CDH12: variants seen among roughly 807,000 people sequenced by gnomAD.
The protein encoded by CDH12 is cadherin-12.
CDH12 carries 41 observed loss-of-function variants against 74.1 expected under a neutral mutation model. The ratio of observed to expected loss-of-function variants is 0.55; its 90% confidence interval spans 0.43 to 0.72. The LOEUF is 0.72. CDH12 is among the 30% of genes least tolerant of loss of function. The probability of loss-of-function intolerance (pLI) is 0.00; values close to 1 mark genes in which losing one functional copy is unlikely to be tolerated. For synonymous variants in CDH12, 399 were observed against 355.0 expected, an observed-to-expected ratio of 1.12 and a Z score of -1.39; for missense variants, 945 against 977.2, an observed-to-expected ratio of 0.97 and a Z score of 0.44.
intron 10 of CDH12, among the ~76,000 whole-genome samples, chr5:21,799,769 A>C (rs1747008369): frequency 6.6e-6 from 1 of 152,158 alleles, no homozygotes; most frequent in African/African-American, 2.4e-5. Context: ...CTGCTTCCAT[A>C]ATGATTTTAA....
chr5:21,967,384 ATC>A (rs1756633349), intron 6 of CDH12, among the ~76,000 whole-genome samples: 1 of 152,212 alleles, frequency 6.6e-6, no homozygotes, highest in African/African-American at 2.4e-5. Context: ...GTTCATAGCT[ATC>A]TTGCCAGTAG....
In CDH12 at chr5:22,212,996, T is replaced by G. The variant is rs925114842; in HGVS notation, c.-332-353A>C. Among the ~76,000 whole-genome samples the G allele has an allele frequency of 1.2e-4, 18 of 152,196 alleles. 1 individual carries two copies. Among genetic ancestry groups the G allele is most frequent in the Admixed American group, 9.8e-4 (15 of 15,284 alleles). The stretch of plus-strand genomic sequence containing the variant: ...AGCCATCGCAGGACTTAAACAAATG[T>G]GCTTTCTCCTGCTGTTTTTCAAGGT... On this transcript the variant is annotated intron_variant, in intron 3 of 14. Coordinates refer to ENST00000382254, the MANE Select transcript of CDH12 (RefSeq NM_004061.5).
At chr5:22,847,815 C>T (rs1167470781) in intron 1 of CDH12, among the ~76,000 whole-genome samples, 1 of 152,062 alleles carries the variant, frequency 6.6e-6, no homozygotes, top group Admixed American at 6.6e-5. Context: ...TTCACTAAAA[C>T]TTTAATCCAT....
At chr5:22,808,352 T>C (rs1419084775) in intron 1 of CDH12, among the ~76,000 whole-genome samples, 1 of 152,138 alleles carries the variant, frequency 6.6e-6, no homozygotes, top group African/African-American at 2.4e-5. Context: ...TAAACTCAAA[T>C]CATGCTTGAT....
intron 6 of CDH12, among the ~76,000 whole-genome samples, chr5:21,950,033 G>T (rs1353147076): frequency 6.6e-6 from 1 of 152,116 alleles, no homozygotes; most frequent in Non-Finnish European, 1.5e-5. Flanking sequence ...TTAATTTATA[G>T]TAAGTGCCCT....
chr5:22,782,344 A>T (rs1475572943), intron 1 of CDH12, among the ~76,000 whole-genome samples: 2 of 152,130 alleles, frequency 1.3e-5, no homozygotes, highest in Non-Finnish European at 2.9e-5. Context: ...TGACTGGATC[A>T]TGGGGGTGGT....
chr5:21,938,717 A>AATATAC (rs1554046001), intron 6 of CDH12, among the ~76,000 whole-genome samples: 4 of 106,676 alleles, frequency 3.7e-5, no homozygotes, highest in Admixed American at 9.5e-5. Flanking sequence ...TTATATATAT[A>AATATAC]ATATACATAT....
chr5:22,815,057 G>C (rs1007512420), intron 1 of CDH12, among the ~76,000 whole-genome samples: 1 of 152,054 alleles, frequency 6.6e-6, no homozygotes, highest in African/African-American at 2.4e-5. Flanking sequence ...TAGAAGAGAG[G>C]GTTCAACTTT....
intron 1 of CDH12, among the ~76,000 whole-genome samples, chr5:22,706,545 G>T (rs1375393457): frequency 2.6e-5 from 4 of 150,988 alleles, no homozygotes; most frequent in East Asian, 1.9e-4. Flanking sequence ...TTAAATGTTG[G>T]CTTTTCTCTT....
intron 4 of CDH12, among the ~76,000 whole-genome samples, chr5:22,207,652 T>A (rs1308501933): frequency 2.0e-5 from 3 of 152,198 alleles, no homozygotes; most frequent in Non-Finnish European, 2.9e-5. Flanking sequence ...TTAGTCCTCA[T>A]GACAAATAGA....
At chr5:21,940,886 T>C (rs1485356916) in intron 6 of CDH12, among the ~76,000 whole-genome samples, 1 of 151,908 alleles carries the variant, frequency 6.6e-6, no homozygotes, top group African/African-American at 2.4e-5. Flanking sequence ...TCCTTTACAA[T>C]TACTTTGGAA....
intron 1 of CDH12, among the ~76,000 whole-genome samples, chr5:22,665,120 G>A (rs185225074): frequency 6.6e-6 from 1 of 152,192 alleles, no homozygotes; most frequent in Non-Finnish European, 1.5e-5. Flanking sequence ...GTGCTCAGCA[G>A]AACAGTGTTT....
intron 3 of CDH12, among the ~76,000 whole-genome samples, chr5:22,370,158 T>C (rs534215964): frequency 1.6e-4 from 25 of 152,286 alleles, no homozygotes; most frequent in African/African-American, 5.5e-4. Context: ...TGTGCTTATA[T>C]ATTGCACATA....
At chr5:22,574,410 T>A (rs926051358) in intron 1 of CDH12, among the ~76,000 whole-genome samples, 1 of 152,116 alleles carries the variant, frequency 6.6e-6, no homozygotes, top group South Asian at 2.1e-4. Context: ...ATAACATGCC[T>A]TCACGTACCA....
At chr5:22,059,930 T>C (rs906972110) in intron 5 of CDH12, among the ~76,000 whole-genome samples, 2 of 152,150 alleles carry the variant, frequency 1.3e-5, no homozygotes, top group African/African-American at 4.8e-5. Flanking sequence ...AGAGACAACT[T>C]ATCTTCTATT....
At chr5:22,546,240 G>A (rs1021479923) in intron 1 of CDH12, among the ~76,000 whole-genome samples, 2 of 151,872 alleles carry the variant, frequency 1.3e-5, no homozygotes, top group Admixed American at 6.6e-5. Context: ...CACCACACCC[G>A]GCCAATTGTT....
chr5:22,287,530 T>C (rs1039761992), intron 3 of CDH12, among the ~76,000 whole-genome samples: 5 of 151,546 alleles, frequency 3.3e-5, no homozygotes, highest in East Asian at 3.9e-4. Flanking sequence ...CGAGACCATC[T>C]TGGCTAACAC....
At chr5:22,239,630 A>G (rs1451414255) in intron 3 of CDH12, among the ~76,000 whole-genome samples, 1 of 152,178 alleles carries the variant, frequency 6.6e-6, no homozygotes, top group Non-Finnish European at 1.5e-5. Context: ...GAGACATTTT[A>G]TGGCTCTCAT....
intron 6 of CDH12, among the ~76,000 whole-genome samples, chr5:21,856,101 TGAAG>T (rs1750742031): frequency 6.6e-6 from 1 of 151,532 alleles, no homozygotes; most frequent in Non-Finnish European, 1.5e-5. Context: ...AAGTCAGGAG[TGAAG>T]ACTAATATTA....
Sources: allele counts gnomAD v4.1 joint callset (sites outside exome capture counted in the v4.1 genomes callset), GRCh38; gene constraint gnomAD v4.1.1; transcripts MANE v1.5; gene names NCBI Gene and HGNC (gene_info 2026-07-23, HGNC 2026-07-21).